PIR: variants seen among roughly 807,000 people sequenced by gnomAD.
PIR encodes the protein pirin.
In PIR, 22 loss-of-function variants were observed where a neutral mutation model predicts 24.2. The ratio of observed to expected loss-of-function variants is 0.91; its 90% CI spans 0.65 to 1.30. PIR has a LOEUF of 1.30. Among genes scored for constraint, PIR ranks in the 50% most tolerant of loss-of-function variants. The pLI, the probability that PIR is intolerant of heterozygous loss-of-function variation, is 0.00. For missense variants in PIR, 220 were observed against 220.3 expected (o/e 1.00, Z 0.01); for synonymous variants, 80 against 79.6 (o/e 1.00, Z -0.03).
intron 6 of PIR, among the ~76,000 whole-genome samples, chrX:15,411,872 A>G (rs1924754003): frequency 8.9e-6 from 1 of 112,192 alleles, no homozygotes. Context: ...ACTACAGAGA[A>G]TTATTGTACA....
chrX:15,488,430 TA>T (rs1456318367), intron 2 of PIR, among the ~76,000 whole-genome samples: 3 of 110,226 alleles, frequency 2.7e-5, no homozygotes, highest in Non-Finnish European at 5.7e-5. Context: ...AGTGCAAAAA[TA>T]ATATGGCAAC....
At chrX:15,478,793 C>T (rs1029631896) in intron 3 of PIR, among the ~76,000 whole-genome samples, 2 of 111,467 alleles carry the variant, frequency 1.8e-5, no homozygotes, top group Non-Finnish European at 3.8e-5. Flanking sequence ...GCCTTCTGCT[C>T]ACACTTCCCA....
At chrX:15,437,124 A>G (rs975555456) in intron 5 of PIR, among the ~76,000 whole-genome samples, 1 of 112,343 alleles carries the variant, frequency 8.9e-6, no homozygotes, top group African/African-American at 3.2e-5. Context: ...ATAAAATGGG[A>G]CAAAATTCAG....
chrX:15,446,219 A>G (rs756289190), intron 5 of PIR, among the ~76,000 whole-genome samples: 1 of 112,354 alleles, frequency 8.9e-6, no homozygotes, highest in Non-Finnish European at 1.9e-5. Flanking sequence ...CAAATTTTAC[A>G]TAAGAAAGAT....
intron 8 of PIR, among the ~76,000 whole-genome samples, chrX:15,396,750 T>C (rs35241859): frequency 0.49 from 53,444 of 108,361 alleles, 9,888 homozygotes; most frequent in Non-Finnish European, 0.59. Flanking sequence ...ATTCTTTTTT[T>C]TTTTTTTTTG....
chrX:15,447,709 C>G (rs1926156251), intron 5 of PIR, among the ~76,000 whole-genome samples: 1 of 111,883 alleles, frequency 8.9e-6, no homozygotes, highest in Admixed American at 9.4e-5. Context: ...CTCAAGACAG[C>G]TCTCTGAAGC....
At chrX:15,466,004 C>CTTTTTTTTTTTT (rs1281489150) in intron 3 of PIR, among the ~76,000 whole-genome samples, 1 of 56,327 alleles carries the variant, frequency 1.8e-5, no homozygotes, top group African/African-American at 8.6e-5. Context: ...AAAATGGTGG[C>CTTTTTTTTTTTT]TGTTTTTTTT....
At chrX:15,413,824 C>T (rs982015063) in intron 6 of PIR, among the ~76,000 whole-genome samples, 5 of 111,634 alleles carry the variant, frequency 4.5e-5, no homozygotes, top group Admixed American at 3.8e-4. Context: ...CATTACAGAA[C>T]GATCATACTA....
At chrX:15,464,323 A>G in intron 3 of PIR, 1 of 525,402 alleles carries the variant, frequency 1.9e-6, no homozygotes, top group Non-Finnish European at 2.3e-6. Flanking sequence ...CATTTTTCTG[A>G]CAGTTTGAAT....
intron 3 of PIR, among the ~76,000 whole-genome samples, chrX:15,460,681 C>G (rs192520708): frequency 3.0e-4 from 33 of 111,333 alleles, no homozygotes; most frequent in Admixed American, 2.9e-3. Flanking sequence ...TTAAAATTTC[C>G]TAAGAGAGTA....
chrX:15,490,925 C>T (rs1923122781), intron 2 of PIR, among the ~76,000 whole-genome samples: 2 of 112,274 alleles, frequency 1.8e-5, no homozygotes, highest in African/African-American at 6.5e-5. Flanking sequence ...CAGAGAGAAG[C>T]AGAGACATTT....
intron 3 of PIR, among the ~76,000 whole-genome samples, chrX:15,465,191 T>G (rs902184373): frequency 1.8e-5 from 2 of 111,586 alleles, no homozygotes; most frequent in Non-Finnish European, 3.8e-5. Flanking sequence ...AAATCTGAAT[T>G]AGAGAAGTCT....
chrX:15,485,733 G>C (rs1922773232), intron 2 of PIR, among the ~76,000 whole-genome samples: 1 of 112,312 alleles, frequency 8.9e-6, no homozygotes, highest in South Asian at 3.7e-4. Context: ...TCTTGCATTA[G>C]ACTGTTGTAC....
intron 5 of PIR, among the ~76,000 whole-genome samples, chrX:15,439,057 A>G: frequency 8.9e-6 from 1 of 112,257 alleles, no homozygotes; most frequent in East Asian, 2.8e-4. Context: ...ATGGCCAAGA[A>G]TCTGTCTCAC....
chrX:15,413,624 A>G (rs952316996), intron 6 of PIR, among the ~76,000 whole-genome samples: 1 of 112,175 alleles, frequency 8.9e-6, no homozygotes, highest in Non-Finnish European at 1.9e-5. Flanking sequence ...TAACTCCACA[A>G]TCTGAGAGAT....
At chrX:15,470,183 C>T (rs955511729) in intron 3 of PIR, among the ~76,000 whole-genome samples, 1 of 111,734 alleles carries the variant, frequency 8.9e-6, no homozygotes, top group Non-Finnish European at 1.9e-5. Context: ...CGCAAGTCAC[C>T]GCCTCCCTGA....
intron 4 of PIR, 78 bp from the exon 5 acceptor site, chrX:15,456,132 T>C (rs1396603318): frequency 1.2e-6 from 1 of 825,481 alleles, no homozygotes. Context: ...TACAACACCA[T>C]CACTAAGTGA....
chrX:15,482,180 C>A (rs902931888), intron 2 of PIR, among the ~76,000 whole-genome samples: 2 of 111,816 alleles, frequency 1.8e-5, no homozygotes, highest in African/African-American at 6.5e-5. Flanking sequence ...AGTAACATTT[C>A]GACCAACAAC....
At chrX:15,456,934 T>C (rs1921106790) in intron 4 of PIR, among the ~76,000 whole-genome samples, 1 of 112,544 alleles carries the variant, frequency 8.9e-6, no homozygotes, top group Non-Finnish European at 1.9e-5. Flanking sequence ...GGTATGAACA[T>C]CATAGATGCA....
Sources: gnomAD v4.1 joint callset for allele counts (sites outside exome capture counted in the v4.1 genomes callset) on GRCh38, gnomAD v4.1.1 for gene constraint, MANE v1.5 for transcripts, NCBI Gene and HGNC (gene_info 2026-07-23, HGNC 2026-07-21) for gene names.